EEF2K: variants seen among roughly 807,000 people sequenced by gnomAD.
EEF2K encodes eukaryotic elongation factor 2 kinase, also known as alternative protein EEF2K.
Under a neutral mutation model 93.8 loss-of-function variants are expected in EEF2K, and 70 were observed. The ratio of observed to expected loss-of-function variants is 0.75; its 90% CI spans 0.62 to 0.91. The LOEUF is 0.91. EEF2K is among the 40% of genes least tolerant of loss of function. The pLI, the probability that EEF2K is intolerant of heterozygous loss-of-function variation, is 0.00. For missense variants in EEF2K, 935 were observed against 972.9 expected (o/e 0.96, Z 0.52); for synonymous variants, 376 against 380.8 (o/e 0.99, Z 0.15).
At chr16:22,283,355 A>G (rs2047716309) in intron 17 of EEF2K, among the ~76,000 whole-genome samples, 1 of 151,732 alleles carries the variant, frequency 6.6e-6, no homozygotes, top group South Asian at 2.1e-4. Flanking sequence ...CAAATCTATA[A>G]TCTTTTATTT....
intron 1 of EEF2K, among the ~76,000 whole-genome samples, chr16:22,217,657 T>C (rs540935773): frequency 6.6e-6 from 1 of 152,202 alleles, no homozygotes; most frequent in South Asian, 2.1e-4. Flanking sequence ...TTCACCATGT[T>C]GGCCAGGCTG....
At chr16:22,220,857 G>T (rs756551256) in intron 1 of EEF2K, among the ~76,000 whole-genome samples, 1 of 152,242 alleles carries the variant, frequency 6.6e-6, no homozygotes, top group African/African-American at 2.4e-5. Context: ...CGCTGACTAG[G>T]CTGGGCCTGC....
rs773781398 is a variant in EEF2K at position 22,251,238 on chromosome 16, G to A, written c.534G>A (p.Arg178=). Residue 178 remains arginine, a synonymous_variant, in exon 6 of 18, where the codon CGG becomes CGA. Transcript: ENST00000263026. The stretch of plus-strand genomic sequence containing the variant: ...AGCGCTACATCGAGCCCGTAGACCG[G>A]GATGTGTACTTTGAGGACGTGCGTC... ...VAKRYIEPVD[R]DVYFEDVRLQ... 8.1e-6 allele frequency: 13 copies of A among 1,614,008 alleles called. No homozygotes were observed. In the South Asian group the frequency reaches 1.3e-4, roughly 16 times the overall value.
chr16:22,223,262 G>GTTTTTTTTTTTTTTTTTTTTGTT (rs58446693), intron 1 of EEF2K, among the ~76,000 whole-genome samples: 1 of 107,478 alleles, frequency 9.3e-6, no homozygotes, highest in African/African-American at 3.4e-5. Flanking sequence ...GTTTTTTTCT[G>GTTTTTTTTTTTTTTTTTTTTGTT]TTTTTTTTTT....
At chr16:22,230,913 C>T (rs566956732) in intron 2 of EEF2K, among the ~76,000 whole-genome samples, 4 of 152,070 alleles carry the variant, frequency 2.6e-5, no homozygotes, top group Admixed American at 6.6e-5. Flanking sequence ...AGGAGTGAGC[C>T]ACCACGCCTG....
intron 16 of EEF2K, 53 bp from the exon 17 acceptor site, chr16:22,280,145 G>A (rs996047337): frequency 7.1e-7 from 1 of 1,413,490 alleles, no homozygotes. Flanking sequence ...CCCTCCTCCT[G>A]CCACCCTGTT....
At chr16:22,246,544 G>A (rs1044673860) in intron 3 of EEF2K, among the ~76,000 whole-genome samples, 7 of 138,974 alleles carry the variant, frequency 5.0e-5, no homozygotes, top group African/African-American at 1.1e-4. Context: ...AAAAAAAGAC[G>A]TCACTTTGGA....
At chr16:22,245,803 C>T (rs2047283287) in intron 3 of EEF2K, among the ~76,000 whole-genome samples, 1 of 152,108 alleles carries the variant, frequency 6.6e-6, no homozygotes, top group East Asian at 1.9e-4. Context: ...TTAATTTAAC[C>T]TACTGTACCC....
Position 22,257,732 on chromosome 16 carries a change from C to A in EEF2K, c.991C>A (p.Arg331=). ...CCTTGCTCCCTTTGACCTCTCGCCC[C>A]GGGAGAGGGATGCAGTGAATCAGAA... ...MGLAPFDLSP[R]ERDAVNQNTK... is the part of the protein sequence containing the mutation. The change falls in exon 9 of 18, where the codon CGG becomes AGG. Residue 331 remains arginine, a synonymous_variant. Transcript: ENST00000263026. 6.2e-7 allele frequency: 1 copy of A among 1,613,952 alleles called. No individual in the cohort carries two copies. The highest frequency in any genetic ancestry group is 8.5e-7 in the Non-Finnish European group (1 of 1,180,022).
At chr16:22,266,282 C>T in intron 13 of EEF2K, 108 bp from the exon 14 acceptor site, 1 of 1,452,962 alleles carries the variant, frequency 6.9e-7, no homozygotes, top group Non-Finnish European at 9.2e-7. Flanking sequence ...TGAGGGTTCA[C>T]TCCCCATCTC....
chr16:22,221,130 G>T (rs2047007626), intron 1 of EEF2K, among the ~76,000 whole-genome samples: 1 of 152,200 alleles, frequency 6.6e-6, no homozygotes, highest in Admixed American at 6.6e-5. Context: ...CAATGTGTGG[G>T]TGGTGTGTTA....
chr16:22,252,028 A>C (rs2047357036), intron 6 of EEF2K, among the ~76,000 whole-genome samples: 1 of 152,036 alleles, frequency 6.6e-6, no homozygotes, highest in South Asian at 2.1e-4. Flanking sequence ...TCCTGGCCTC[A>C]AGCAATCCAT....
chr16:22,226,517 C>CTTTTTTTTTTTTT lies in EEF2K; in HGVS notation c.246+545_246+557dup, dbSNP rs553013823. Among the ~76,000 whole-genome samples the CTTTTTTTTTTTTT allele has an allele frequency of 5.3e-3, 565 of 106,656 alleles. 39 individuals are homozygous for CTTTTTTTTTTTTT. The highest frequency in any genetic ancestry group is 0.015 in the African/African-American group (361 of 23,524). The allele number at this position is 106,656 out of a possible 152,430, so 70.0% of individuals were successfully genotyped here. A position where few individuals can be genotyped will look rare whatever the true frequency, so the allele number is the denominator to read the frequency against. On this transcript the variant is annotated intron_variant, in intron 2 of 17. Coordinates refer to ENST00000263026, the MANE Select transcript of EEF2K (RefSeq NM_013302.5). Reference sequence around the variant, plus strand: ...CTTTTTCTTTCTTTTCCTTCTTCTTCTTTTTTTTTTTTTTTATAAACGTGG... The same window carrying CTTTTTTTTTTTTT: ...CTTTTTCTTTCTTTTCCTTCTTCTTCTTTTTTTTTTTTTTTTTTTTTTTTTTTTATAAACGTGG...
At position 22,247,585 on chromosome 16, in the gene EEF2K, A is replaced by G. The variant is rs909027348; in HGVS notation, c.348-1170A>G. 2.7e-4 allele frequency among the ~76,000 whole-genome samples: 41 copies of G among 152,296 alleles called. No homozygotes were observed. In the East Asian group the frequency reaches 2.9e-3, roughly 11 times the overall value. On this transcript the variant is annotated intron_variant, in intron 3 of 17. Transcript: ENST00000263026. ...AAGGAAATGCTATAACAGAGTGGCC[A>G]AGAAGAATCGCAACAGGCCTTGCTG...
intron 13 of EEF2K, chr16:22,265,321 G>A (rs1296080094): frequency 6.1e-6 from 1 of 164,398 alleles, no homozygotes; most frequent in Non-Finnish European, 1.3e-5. Flanking sequence ...GTCTGGGAAA[G>A]ACCAGCTCTG....
chr16:22,275,837 C>T (rs2047629066), intron 16 of EEF2K, among the ~76,000 whole-genome samples: 3 of 152,092 alleles, frequency 2.0e-5, no homozygotes, highest in Admixed American at 6.6e-5. Context: ...GACAGGGTTT[C>T]ACCATGTTGG....
chr16:22,223,461 T>C (rs979915433), intron 1 of EEF2K, among the ~76,000 whole-genome samples: 1 of 152,112 alleles, frequency 6.6e-6, no homozygotes, highest in African/African-American at 2.4e-5. Flanking sequence ...ATATTTTTAG[T>C]AGAGACAGGG....
rs1042882722 is a variant in EEF2K, at chr16:22,286,855, C to G, written c.*2859C>G. The G allele has an allele frequency of 6.6e-6, 1 of 152,276 alleles. No individual in the cohort carries two copies. The highest frequency in any genetic ancestry group is 6.5e-5 in the Admixed American group (1 of 15,282). The allele number at this position is 152,276 out of a possible 1,614,324, so 9.4% of individuals were successfully genotyped here. On this transcript the variant is annotated 3_prime_UTR_variant, in exon 18 of 18. Transcript: ENST00000263026. ...CCTTTGAGGCTCTGGTTCCTCCAAA[C>G]AATGATTCGTTGTCTGGATTGGCTG...
At chr16:22,226,325 C>CTGTT (rs2047062900) in intron 2 of EEF2K, among the ~76,000 whole-genome samples, 2 of 63,668 alleles carry the variant, frequency 3.1e-5, no homozygotes, top group African/African-American at 1.1e-4. Context: ...AGGTGCTGTT[C>CTGTT]TTTTTTTTTT....
Sources: gnomAD v4.1 joint callset for allele counts (sites outside exome capture counted in the v4.1 genomes callset) on GRCh38, gnomAD v4.1.1 for gene constraint, MANE v1.5 for transcripts, NCBI Gene and HGNC (gene_info 2026-07-23, HGNC 2026-07-21) for gene names.